VWA3B: variants seen among roughly 807,000 people sequenced by gnomAD.
VWA3B encodes the protein von Willebrand factor A domain-containing protein 3B.
In VWA3B, 138 loss-of-function variants were observed where a neutral mutation model predicts 158.3. The ratio of observed to expected loss-of-function variants is 0.87; its 90% CI spans 0.76 to 1.00. The LOEUF (loss-of-function observed/expected upper bound fraction) is 1.00. Ranked by LOEUF, VWA3B falls within the 50% of genes least tolerant of loss-of-function variation. VWA3B has a pLI of 0.00. For missense variants in VWA3B, 1,555 were observed against 1,565.1 expected, an observed-to-expected ratio of 0.99 and a Z score of 0.11; for synonymous variants, 596 against 587.3, an observed-to-expected ratio of 1.01 and a Z score of -0.21.
intron 19 of VWA3B, among the ~76,000 whole-genome samples, chr2:98,243,282 A>G (rs1686194430): frequency 6.6e-6 from 1 of 152,162 alleles, no homozygotes; most frequent in African/African-American, 2.4e-5. Flanking sequence ...TTTAAACTTA[A>G]ATTGAGAATA....
At chr2:98,142,182 T>A (rs189535244) in intron 7 of VWA3B, among the ~76,000 whole-genome samples, 58 of 152,248 alleles carry the variant, frequency 3.8e-4, no homozygotes, top group African/African-American at 1.4e-3. Context: ...ATACCCCTTG[T>A]CCCTGCCTTA....
At chr2:98,239,470 C>CT (rs1685927582) in intron 19 of VWA3B, among the ~76,000 whole-genome samples, 1 of 151,146 alleles carries the variant, frequency 6.6e-6, no homozygotes, top group Admixed American at 6.6e-5. Context: ...CCTTCCCTCC[C>CT]TTTTTTCTTT....
At chr2:98,225,820 A>G (rs774437216) in intron 14 of VWA3B, among the ~76,000 whole-genome samples, 4 of 152,236 alleles carry the variant, frequency 2.6e-5, no homozygotes, top group Non-Finnish European at 4.4e-5. Context: ...TGAAAATTAA[A>G]TACCCAATAC....
chr2:98,282,857 C>T (rs192126133), intron 22 of VWA3B, among the ~76,000 whole-genome samples: 330 of 152,306 alleles, frequency 2.2e-3, no homozygotes, highest in Admixed American at 5.9e-3. Flanking sequence ...AAGACATTTT[C>T]TTAGGCGTCA....
the VWA3B span, among the ~76,000 whole-genome samples, chr2:98,329,572 A>C: frequency 6.6e-6 from 1 of 152,138 alleles, no homozygotes; most frequent in Non-Finnish European, 1.5e-5. Flanking sequence ...TGAAGAGTAG[A>C]TCTCCATCAT....
chr2:98,229,922 TG>T, intron 15 of VWA3B, 127 bp from the exon 16 acceptor site: 2 of 1,036,522 alleles, frequency 1.9e-6, no homozygotes, highest in Non-Finnish European at 2.7e-6. Context: ...TTAACCCAGA[TG>T]GGGGAAGGCT....
intron 13 of VWA3B, among the ~76,000 whole-genome samples, chr2:98,215,084 G>A (rs975498297): frequency 1.3e-5 from 2 of 152,144 alleles, no homozygotes; most frequent in Non-Finnish European, 2.9e-5. Flanking sequence ...CTTGAGAGAA[G>A]ATCGATATAT....
intron 19 of VWA3B, among the ~76,000 whole-genome samples, chr2:98,243,022 A>G (rs1445946172): frequency 6.6e-6 from 1 of 152,056 alleles, no homozygotes; most frequent in Non-Finnish European, 1.5e-5. Context: ...ATAAGTGAAA[A>G]AGAAAGAAGC....
At position 98,245,199 on chromosome 2, in the gene VWA3B, A is replaced by G. The variant is rs192055572; in HGVS notation, c.2674-5119A>G. ...GCTTGATTTGCATTATAACAGTAAC[A>G]AGTAAATATTTCCCAAGGTGCCAAG... On this transcript the variant is annotated intron_variant, in intron 19 of 27. Transcript: ENST00000477737. 3.6e-4 allele frequency among the ~76,000 whole-genome samples: 55 copies of G among 152,134 alleles called. 1 individual carries two copies. Among genetic ancestry groups the G allele is most frequent in the African/African-American group, 1.3e-3 (52 of 41,460 alleles).
At chr2:98,266,385 G>A (rs1225615623) in intron 21 of VWA3B, among the ~76,000 whole-genome samples, 1 of 151,372 alleles carries the variant, frequency 6.6e-6, no homozygotes, top group Non-Finnish European at 1.5e-5. Context: ...TGAGGGCTCT[G>A]TTCTGTTCCA....
At chr2:98,109,232 T>A (rs1019985230) in intron 2 of VWA3B, among the ~76,000 whole-genome samples, 6 of 152,182 alleles carry the variant, frequency 3.9e-5, no homozygotes, top group Admixed American at 3.9e-4. Context: ...CCTCGGGTGA[T>A]CTGACAACCT....
intron 8 of VWA3B, among the ~76,000 whole-genome samples, chr2:98,164,192 C>T (rs1678882346): frequency 6.6e-6 from 1 of 152,146 alleles, no homozygotes; most frequent in South Asian, 2.1e-4. Context: ...GACCTTGCGG[C>T]AGAAGGGGAC....
At chr2:98,262,897 G>A (rs1000737994) in intron 21 of VWA3B, among the ~76,000 whole-genome samples, 4 of 151,842 alleles carry the variant, frequency 2.6e-5, no homozygotes, top group Non-Finnish European at 5.9e-5. Context: ...TAACAATTAA[G>A]TCTTTCAATC....
At chr2:98,220,165 T>TAAAAA (rs58005028) in intron 14 of VWA3B, among the ~76,000 whole-genome samples, 54 of 83,604 alleles carry the variant, frequency 6.5e-4, no homozygotes, top group Non-Finnish European at 9.3e-4. Context: ...ACCTGTCTCA[T>TAAAAA]AAAAAAAAAA....
chr2:98,236,876 A>C, intron 19 of VWA3B, 146 bp downstream of exon 19: 1 of 1,205,916 alleles, frequency 8.3e-7, no homozygotes, highest in Non-Finnish European at 1.1e-6. Context: ...TAAAAGGGAG[A>C]GAGAGAGGCT....
At chr2:98,182,264 C>A (rs1420281511) in intron 9 of VWA3B, among the ~76,000 whole-genome samples, 1 of 152,166 alleles carries the variant, frequency 6.6e-6, no homozygotes, top group Non-Finnish European at 1.5e-5. Context: ...GATGTTGTAA[C>A]TCCAGCAGAG....
At chr2:98,299,926 C>T (rs577812962) in intron 24 of VWA3B, among the ~76,000 whole-genome samples, 153 bp from the exon 25 acceptor site, 14 of 152,286 alleles carry the variant, frequency 9.2e-5, no homozygotes, top group Non-Finnish European at 1.6e-4. Flanking sequence ...CCCAGAGAAT[C>T]TTGGAACTCT....
chr2:98,260,699 T>C (rs931434835), intron 21 of VWA3B, among the ~76,000 whole-genome samples: 1 of 151,778 alleles, frequency 6.6e-6, no homozygotes, highest in Non-Finnish European at 1.5e-5. Context: ...CAATATATGC[T>C]TCACACATTT....
chr2:98,249,607 AT>A (rs1553427902), intron 19 of VWA3B, among the ~76,000 whole-genome samples: 1 of 152,118 alleles, frequency 6.6e-6, no homozygotes, highest in Non-Finnish European at 1.5e-5. Context: ...TACATTTACC[AT>A]CTTTTCCCCC....
Sources: gnomAD v4.1 joint callset for allele counts (sites outside exome capture counted in the v4.1 genomes callset) on GRCh38, gnomAD v4.1.1 for gene constraint, MANE v1.5 for transcripts, NCBI Gene and HGNC (gene_info 2026-07-23, HGNC 2026-07-21) for gene names.